Variants in ELAVL1 observed in about 807,000 individuals in gnomAD.
ELAVL1 encodes the protein ELAV-like protein 1.
Under a neutral mutation model 28.4 loss-of-function variants are expected in ELAVL1, and 1 was observed. The ratio of observed to expected loss-of-function variants is 0.04; its 90% CI spans 0.01 to 0.17. The LOEUF (loss-of-function observed/expected upper bound fraction) is 0.17. Among genes scored for constraint, ELAVL1 ranks in the 10% least tolerant of loss-of-function variants. The pLI is 1.00. For missense variants in ELAVL1, 157 were observed against 447.2 expected, an observed-to-expected ratio of 0.35 and a Z score of 5.85; for synonymous variants, 174 against 183.5, an observed-to-expected ratio of 0.95 and a Z score of 0.42.
rs537189550 is a variant in ELAVL1, at chr19:7,974,700, T to C, written c.277-822A>G. Among the ~76,000 whole-genome samples, 4 of 152,224 alleles carry C rather than the reference T, an allele frequency of 2.6e-5. No homozygotes were observed. The East Asian group carries it at 5.8e-4, about 22-fold the overall frequency. On this transcript the variant is annotated intron_variant, in intron 3 of 5. Coordinates refer to ENST00000407627, the MANE Select transcript of ELAVL1 (RefSeq NM_001419.3). Reference sequence around the variant, plus strand: ...TATGGAGGAGGGAGCAGGAGATGTGTTCCCGAGAAGGGTGGGGACTTGAAC... The same window carrying C: ...TATGGAGGAGGGAGCAGGAGATGTGCTCCCGAGAAGGGTGGGGACTTGAAC...
At position 7,981,089 on chromosome 19, in the gene ELAVL1, G is replaced by A; in HGVS notation, c.270C>T (p.Thr90=). The A allele has an allele frequency of 6.2e-7, 1 of 1,614,106 alleles. No individual in the cohort carries two copies. Among genetic ancestry groups the A allele is most frequent in the Non-Finnish European group, 8.5e-7 (1 of 1,180,002 alleles). ...TLNGLRLQSK[T]IKVSYARPSS... is the part of the protein sequence containing the mutation. ...GGTGATCAGATCCCTTTACCTTAAT[G>A]GTTTTTGACTGGAGCCTCAAGCCGT... is the stretch of plus-strand genomic sequence containing the variant. Residue 90 remains threonine, a synonymous_variant, in exon 3 of 6, where the codon ACC becomes ACT. Transcript: ENST00000407627. This position sits in a 1 kb window ranked among gnomAD's most constrained non-coding sequence, Gnocchi z 4.2.
At chr19:7,991,503 T>C (rs772572286) in intron 2 of ELAVL1, 141 bp downstream of exon 2, 49 of 855,194 alleles carry the variant, frequency 5.7e-5, no homozygotes, top group Non-Finnish European at 8.1e-5. Flanking sequence ...GAGTTTGAAA[T>C]AAAAATGAAA....
chr19:7,968,932 T>G (rs761419800), intron 4 of ELAVL1, among the ~76,000 whole-genome samples: 1 of 151,976 alleles, frequency 6.6e-6, no homozygotes, highest in African/African-American at 2.4e-5. Flanking sequence ...AAGGACATGA[T>G]GGAGTCAGGG....
intron 1 of ELAVL1, among the ~76,000 whole-genome samples, chr19:7,994,945 C>G (rs962033147): frequency 6.6e-5 from 10 of 152,124 alleles, no homozygotes; most frequent in African/African-American, 1.9e-4. Context: ...CAGAGTAAGA[C>G]TCTGTCTCAA....
intron 4 of ELAVL1, among the ~76,000 whole-genome samples, chr19:7,972,355 G>A (rs1031685473): frequency 1.3e-5 from 2 of 152,250 alleles, no homozygotes; most frequent in Non-Finnish European, 2.9e-5. Flanking sequence ...GCACAGCCGT[G>A]GGCGTGCACA....
rs543146874 is a variant in ELAVL1, at chr19:7,976,334, G to A, written c.277-2456C>T. On this transcript the variant is annotated intron_variant, in intron 3 of 5. Coordinates refer to ENST00000407627, the MANE Select transcript of ELAVL1 (RefSeq NM_001419.3). ...GGAGAATGGCGTGAACCCAGGAGGCGGAGCTTGCAGTGAGCCGAGATCGCG... is the reference window on the plus strand; with the variant it reads ...GGAGAATGGCGTGAACCCAGGAGGCAGAGCTTGCAGTGAGCCGAGATCGCG... 4.1e-3 allele frequency among the ~76,000 whole-genome samples: 615 copies of A among 151,458 alleles called. 2 individuals carry two copies. The highest frequency in any genetic ancestry group is 0.014 in the African/African-American group (560 of 41,228).
chr19:7,971,384 T>C (rs1212680932), intron 4 of ELAVL1, among the ~76,000 whole-genome samples: 1 of 151,886 alleles, frequency 6.6e-6, no homozygotes, highest in African/African-American at 2.4e-5. Context: ...GCATGTGGGG[T>C]CTAGAGGAGG....
At chr19:7,965,599 GC>G (rs761671964) in intron 5 of ELAVL1, among the ~76,000 whole-genome samples, 55 of 151,730 alleles carry the variant, frequency 3.6e-4, no homozygotes, top group Non-Finnish European at 5.5e-4. Flanking sequence ...AGACTCTCCC[GC>G]CCTCCCCACT....
chr19:7,965,328 G>A (rs980111483), intron 5 of ELAVL1, among the ~76,000 whole-genome samples: 1 of 152,136 alleles, frequency 6.6e-6, no homozygotes, highest in Non-Finnish European at 1.5e-5. Flanking sequence ...CTCCTGCTTT[G>A]GCCTCCCAAA....
At position 7,963,289 on chromosome 19, in the gene ELAVL1, G is replaced by T; in HGVS notation, c.*194C>A. 2 of 630,498 alleles carry T rather than the reference G, an allele frequency of 3.2e-6. No individual in the cohort carries two copies. Among genetic ancestry groups the T allele is most frequent in the Non-Finnish European group, 5.4e-6 (2 of 372,894 alleles). The allele number at this position is 630,498 out of a possible 1,614,324, so 39.1% of individuals were successfully genotyped here. ...GAAATAACTTACGAAACTTAAGATT[G>T]GTCTAACATTGTGGGATTTCAAACA... On this transcript the variant is annotated 3_prime_UTR_variant, in exon 6 of 6. Transcript: ENST00000407627. The surrounding 1 kb of genome is among the most constrained non-coding windows in gnomAD (Gnocchi z 4.5).
At chr19:7,980,610 G>A (rs970451104) in intron 3 of ELAVL1, among the ~76,000 whole-genome samples, 2 of 152,158 alleles carry the variant, frequency 1.3e-5, no homozygotes, top group Admixed American at 6.5e-5. Context: ...CTCCACACAC[G>A]GCAACTGCCG....
chr19:7,977,213 G>A (rs907028945), intron 3 of ELAVL1, among the ~76,000 whole-genome samples: 1 of 152,196 alleles, frequency 6.6e-6, no homozygotes, highest in East Asian at 1.9e-4. Flanking sequence ...CAGGAGTTCT[G>A]CTGTTCTGGT....
chr19:7,970,357 A>G (rs1366717019), intron 4 of ELAVL1, among the ~76,000 whole-genome samples: 1 of 152,196 alleles, frequency 6.6e-6, no homozygotes, highest in East Asian at 1.9e-4. Flanking sequence ...GGGTTTCACC[A>G]TGTTGGCCAG....
rs865922558 is a variant in ELAVL1, at chr19:7,963,231, T to C, written c.*252A>G. ...AGGGACTGGTTAGTCAATGCAGTTC[T>C]ACTTAGATTTCTGTTTAATATATAT... On this transcript the variant is annotated 3_prime_UTR_variant, in exon 6 of 6. Coordinates refer to ENST00000407627, the MANE Select transcript of ELAVL1 (RefSeq NM_001419.3). This position sits in a 1 kb window ranked among gnomAD's most constrained non-coding sequence, Gnocchi z 4.5. 1.9e-5 allele frequency: 9 copies of C among 483,778 alleles called. No homozygotes were observed. The highest frequency in any genetic ancestry group is 2.9e-5 in the Non-Finnish European group (8 of 272,918). The allele number at this position is 483,778 out of a possible 1,614,324, so 30.0% of individuals were successfully genotyped here.
In ELAVL1 at chr19:7,980,163, C is replaced by T. The variant is rs369708966; in HGVS notation, c.276+920G>A. Among the ~76,000 whole-genome samples, 24 of 152,210 alleles carry T rather than the reference C, an allele frequency of 1.6e-4. No individual in the cohort carries two copies. In the South Asian group the frequency reaches 4.1e-3, roughly 26 times the overall value. On this transcript the variant is annotated intron_variant, in intron 3 of 5. Transcript: ENST00000407627. ...TTGGAGCAAGAGAGGGGATTCTGGC[C>T]GGGAAGCCCTTACGTCTGTGGGTAT... is the stretch of plus-strand genomic sequence containing the variant.
intron 3 of ELAVL1, among the ~76,000 whole-genome samples, chr19:7,974,740 G>A (rs1985231474): frequency 6.6e-6 from 1 of 152,170 alleles, no homozygotes; most frequent in South Asian, 2.1e-4. Flanking sequence ...GCGAAAGGAA[G>A]TTCATTCCCT....
At chr19:7,968,707 G>A (rs1382576685) in intron 4 of ELAVL1, among the ~76,000 whole-genome samples, 1 of 152,252 alleles carries the variant, frequency 6.6e-6, no homozygotes, top group Non-Finnish European at 1.5e-5. Context: ...TGCTATGGGG[G>A]ACATTGGTCA....
chr19:7,987,116 C>CGGG (rs60108147), intron 2 of ELAVL1, among the ~76,000 whole-genome samples: 5 of 47,184 alleles, frequency 1.1e-4, no homozygotes, highest in East Asian at 7.6e-4. Flanking sequence ...CGGGGGGTGC[C>CGGG]GGGGGGGGGG....
intron 2 of ELAVL1, among the ~76,000 whole-genome samples, chr19:7,983,563 C>T (rs1985522213): frequency 6.6e-6 from 1 of 152,148 alleles, no homozygotes; most frequent in Admixed American, 6.5e-5. Flanking sequence ...GGGTTTTTTT[C>T]ACTCCTGAAC....
Sources: gnomAD v4.1 joint callset for allele counts (sites outside exome capture counted in the v4.1 genomes callset) on GRCh38, gnomAD v4.1.1 for gene constraint, Gnocchi (gnomAD v3.1) non-coding constraint, MANE v1.5 for transcripts, NCBI Gene and HGNC (gene_info 2026-07-23, HGNC 2026-07-21) for gene names.